Variants in GHR observed in about 807,000 individuals in gnomAD.
GHR encodes growth hormone receptor.
A neutral mutation model predicts 67.1 loss-of-function variants in GHR; 35 were observed. The observed-to-expected ratio is 0.52, with a 90% CI of 0.40 to 0.69. GHR has a LOEUF of 0.69. Ranked by LOEUF, GHR falls within the 30% of genes least tolerant of loss-of-function variation. GHR has a pLI of 0.00. For missense variants in GHR, 792 were observed against 764.6 expected, an observed-to-expected ratio of 1.04 and a Z score of -0.42; for synonymous variants, 272 against 269.1, an observed-to-expected ratio of 1.01 and a Z score of -0.10.
chr5:42,560,331 C>T (rs565851168), intron 1 of GHR, among the ~76,000 whole-genome samples: 31 of 152,072 alleles, frequency 2.0e-4, no homozygotes, highest in Non-Finnish European at 3.8e-4. Context: ...TCAGCTGGGA[C>T]TACAGGTGTG....
chr5:42,616,767 G>A (rs1040694687), intron 2 of GHR, among the ~76,000 whole-genome samples: 2 of 151,994 alleles, frequency 1.3e-5, no homozygotes, highest in Non-Finnish European at 2.9e-5. Flanking sequence ...AGCCAGTAAA[G>A]GAGACCAAGA....
Position 42,601,671 on chromosome 5 carries a change from C to T in GHR, c.71-27367C>T, listed in dbSNP as rs33964910. ...CTGCTTTCTCTAATCCTTGACAGGACTAATTGCTAAACTATAATATGATTT... is the reference window on the plus strand; with the variant it reads ...CTGCTTTCTCTAATCCTTGACAGGATTAATTGCTAAACTATAATATGATTT... On this transcript the variant is annotated intron_variant, in intron 2 of 9. Transcript: ENST00000230882. 4.3e-3 allele frequency among the ~76,000 whole-genome samples: 660 copies of T among 152,160 alleles called. 4 individuals carry two copies. Among genetic ancestry groups the T allele is most frequent in the African/African-American group, 0.015 (638 of 41,536 alleles).
chr5:42,701,319 A>G (rs1053444529), intron 6 of GHR, among the ~76,000 whole-genome samples: 6 of 152,202 alleles, frequency 3.9e-5, no homozygotes, highest in Admixed American at 6.6e-5. Flanking sequence ...GAAGTTCTTG[A>G]TGAAGCTGTA....
At chr5:42,514,023 C>A in intron 1 of GHR, 1 of 716,800 alleles carries the variant, frequency 1.4e-6, no homozygotes, top group Non-Finnish European at 1.7e-6. Flanking sequence ...TTATTACTTA[C>A]TGGAAAAGAA....
At chr5:42,506,697 G>T (rs1455330781) in intron 1 of GHR, among the ~76,000 whole-genome samples, 1 of 152,116 alleles carries the variant, frequency 6.6e-6, no homozygotes, top group African/African-American at 2.4e-5. Flanking sequence ...TTTATTTGAT[G>T]TCGACATCAC....
intron 1 of GHR, among the ~76,000 whole-genome samples, chr5:42,523,571 C>T (rs1184753915): frequency 6.6e-6 from 1 of 152,106 alleles, no homozygotes; most frequent in African/African-American, 2.4e-5. Context: ...GGAACTTAAT[C>T]ACTAAATGTT....
At chr5:42,447,846 G>A (rs1232855975) in intron 1 of GHR, among the ~76,000 whole-genome samples, 1 of 150,736 alleles carries the variant, frequency 6.6e-6, no homozygotes, top group Non-Finnish European at 1.5e-5. Context: ...TCACTGCAAC[G>A]TCCAACCTCT....
chr5:42,667,052 A>C (rs1756019410), intron 3 of GHR, among the ~76,000 whole-genome samples: 1 of 152,144 alleles, frequency 6.6e-6, no homozygotes, highest in South Asian at 2.1e-4. Context: ...AATCTACATC[A>C]AAGAATCTAA....
intron 1 of GHR, among the ~76,000 whole-genome samples, chr5:42,437,302 C>T (rs1208654639): frequency 2.0e-5 from 3 of 152,028 alleles, no homozygotes; most frequent in Non-Finnish European, 2.9e-5. Context: ...GGTTTTAAAC[C>T]GTGACCTTAG....
intron 1 of GHR, among the ~76,000 whole-genome samples, chr5:42,551,103 G>T (rs1749007226): frequency 6.6e-6 from 1 of 152,154 alleles, no homozygotes; most frequent in Non-Finnish European, 1.5e-5. Context: ...ACATGTTTCT[G>T]CTCATTTATC....
intron 3 of GHR, among the ~76,000 whole-genome samples, chr5:42,643,578 G>A (rs1641256975): frequency 6.6e-6 from 1 of 152,058 alleles, no homozygotes; most frequent in Admixed American, 6.5e-5. Context: ...TATCCACAGT[G>A]GTTTCCCTAG....
At chr5:42,533,974 C>T (rs1369613890) in intron 1 of GHR, among the ~76,000 whole-genome samples, 1 of 151,554 alleles carries the variant, frequency 6.6e-6, no homozygotes, top group Non-Finnish European at 1.5e-5. Flanking sequence ...TAATAGTCTC[C>T]AGTCTCATCC....
At chr5:42,594,754 A>C (rs1751978057) in intron 2 of GHR, among the ~76,000 whole-genome samples, 1 of 152,102 alleles carries the variant, frequency 6.6e-6, no homozygotes, top group African/African-American at 2.4e-5. Context: ...CAAATTATTA[A>C]AGACTCCAAA....
intron 1 of GHR, among the ~76,000 whole-genome samples, chr5:42,499,587 T>C (rs962154212): frequency 2.6e-5 from 4 of 152,178 alleles, no homozygotes; most frequent in Admixed American, 2.6e-4. Context: ...GTTGTTTCAC[T>C]CCAGGCACAG....
chr5:42,500,196 G>A (rs1447590441), intron 1 of GHR, among the ~76,000 whole-genome samples: 1 of 152,214 alleles, frequency 6.6e-6, no homozygotes, highest in East Asian at 1.9e-4. Flanking sequence ...CCTTAGCTGA[G>A]ACTTTGTGCC....
chr5:42,465,533 T>G, intron 1 of GHR: 1 of 1,515,812 alleles, frequency 6.6e-7, no homozygotes, highest in Non-Finnish European at 9.2e-7. Context: ...TTCTTCACCT[T>G]CAGGTGTTTC....
chr5:42,497,380 TTCTC>T (rs1314316596), intron 1 of GHR, among the ~76,000 whole-genome samples: 1 of 152,190 alleles, frequency 6.6e-6, no homozygotes, highest in Non-Finnish European at 1.5e-5. Context: ...TTTCATCCCT[TTCTC>T]TCTGTTGGTT....
intron 1 of GHR, chr5:42,468,639 CT>C: frequency 9.4e-7 from 1 of 1,068,714 alleles, no homozygotes; most frequent in South Asian, 1.3e-5. Context: ...TTCTTGCTGT[CT>C]TTCTGGGACT....
In GHR at chr5:42,643,403, C is replaced by T. The variant is rs74401281; in HGVS notation, c.136+14300C>T. Among the ~76,000 whole-genome samples, 1,512 of 152,266 alleles carry T rather than the reference C, an allele frequency of 9.9e-3. 27 individuals carry two copies. The highest frequency in any genetic ancestry group is 0.034 in the African/African-American group (1,431 of 41,528). On this transcript the variant is annotated intron_variant, in intron 3 of 9. Coordinates refer to ENST00000230882, the MANE Select transcript of GHR (RefSeq NM_000163.5). ...TTTTCAAGGGATTACCTGTTAACTACCTCAATGGACACTAATGACTAAAGG... is the reference window on the plus strand; with the variant it reads ...TTTTCAAGGGATTACCTGTTAACTATCTCAATGGACACTAATGACTAAAGG...
Sources: gnomAD v4.1 joint callset for allele counts (sites outside exome capture counted in the v4.1 genomes callset) on GRCh38, gnomAD v4.1.1 for gene constraint, MANE v1.5 for transcripts, NCBI Gene and HGNC (gene_info 2026-07-23, HGNC 2026-07-21) for gene names.